The following ADAMTS16 variants were observed in gnomAD, a reference collection of about 807,000 sequenced individuals.
The protein encoded by ADAMTS16 is A disintegrin and metalloproteinase with thrombospondin motifs 16.
ADAMTS16 carries 94 observed loss-of-function variants against 145.8 expected under a neutral mutation model. The ratio of observed to expected loss-of-function variants is 0.64; its 90% CI spans 0.55 to 0.77. ADAMTS16 has a LOEUF of 0.77. ADAMTS16 is among the 30% of genes least tolerant of loss of function. The pLI is 0.00. For synonymous variants in ADAMTS16, 659 were observed against 604.3 expected, an observed-to-expected ratio of 1.09 and a Z score of -1.33; for missense variants, 1,585 against 1,591.5, an observed-to-expected ratio of 1.00 and a Z score of 0.07.
intron 11 of ADAMTS16, among the ~76,000 whole-genome samples, chr5:5,231,297 C>T (rs1318564514): frequency 6.6e-6 from 1 of 152,228 alleles, no homozygotes; most frequent in Admixed American, 6.5e-5. Flanking sequence ...ATTGTTCTTA[C>T]TTAAATAGCA....
At chr5:5,170,616 G>A (rs1326768186) in intron 3 of ADAMTS16, among the ~76,000 whole-genome samples, 1 of 152,136 alleles carries the variant, frequency 6.6e-6, no homozygotes, top group African/African-American at 2.4e-5. Context: ...GACCTCAGGT[G>A]ATCCGCCCGC....
chr5:5,236,730 T>C (rs1315686087), intron 13 of ADAMTS16, among the ~76,000 whole-genome samples: 1 of 152,128 alleles, frequency 6.6e-6, no homozygotes, highest in Non-Finnish European at 1.5e-5. Context: ...AAACACTGTA[T>C]AAAAATCAAA....
chr5:5,252,428 T>C (rs1182479142), intron 17 of ADAMTS16, among the ~76,000 whole-genome samples: 1 of 152,064 alleles, frequency 6.6e-6, no homozygotes, highest in African/African-American at 2.4e-5. Flanking sequence ...ATTTCAGGGA[T>C]TGGGATAGGG....
chr5:5,268,683 G>GACACTATTTCTGTCCTCCCAGGCT (rs1738351063), intron 18 of ADAMTS16, among the ~76,000 whole-genome samples: 1 of 152,142 alleles, frequency 6.6e-6, no homozygotes, highest in East Asian at 1.9e-4. Context: ...ATCCCGACTG[G>GACACTATTTCTGTCCTCCCAGGCT]ACACTATTTC....
chr5:5,206,414 A>C (rs1455304539), intron 9 of ADAMTS16, among the ~76,000 whole-genome samples: 2 of 62,636 alleles, frequency 3.2e-5, no homozygotes, highest in African/African-American at 6.7e-5. Context: ...CGACAGAGCG[A>C]GACTCCGTCT....
intron 10 of ADAMTS16, among the ~76,000 whole-genome samples, chr5:5,216,305 A>G (rs6894185): frequency 0.9 from 137,397 of 152,136 alleles, 62,199 homozygotes; most frequent in East Asian, 1. Context: ...GATGTTGAGC[A>G]GTTTTTCATA....
chr5:5,179,204 A>G (rs1735273114), intron 3 of ADAMTS16, among the ~76,000 whole-genome samples: 1 of 150,338 alleles, frequency 6.7e-6, no homozygotes, highest in Non-Finnish European at 1.5e-5. Context: ...CACACAGCTA[A>G]TAAGTATGAG....
chr5:5,199,983 A>C lies in ADAMTS16; in HGVS notation c.1314-149A>C, dbSNP rs982816774. 4.3e-6 allele frequency: 4 copies of C among 927,052 alleles called. No homozygotes were observed. The African/African-American group carries it at 6.8e-5, about 16-fold the overall frequency. The allele number at this position is 927,052 out of a possible 1,614,324, so 57.4% of individuals were successfully genotyped here. A position where few individuals can be genotyped will look rare whatever the true frequency, so the allele number is the denominator to read the frequency against. On this transcript the variant is annotated intron_variant, in intron 8 of 22. Coordinates refer to ENST00000274181, the MANE Select transcript of ADAMTS16 (RefSeq NM_139056.4). The stretch of plus-strand genomic sequence containing the variant: ...TTGGAATACGTGAATATTCTTAACC[A>C]ATTGGCAGTTGTGACTTTTATTTTT...
chr5:5,305,491 T>C (rs1579407523), intron 20 of ADAMTS16, among the ~76,000 whole-genome samples: 1 of 64,800 alleles, frequency 1.5e-5, no homozygotes, highest in African/African-American at 6.2e-5. Flanking sequence ...ACACACACAA[T>C]CCCACACCAC....
At chr5:5,304,983 CCTACA>C (rs1739980662) in intron 20 of ADAMTS16, among the ~76,000 whole-genome samples, 2 of 118,182 alleles carry the variant, frequency 1.7e-5, no homozygotes, top group African/African-American at 3.5e-5. Flanking sequence ...ACACACACAT[CCTACA>C]CCACACACAC....
chr5:5,181,773 T>A (rs1341899138), intron 3 of ADAMTS16, among the ~76,000 whole-genome samples: 1 of 152,186 alleles, frequency 6.6e-6, no homozygotes. Context: ...GCACCCTCTG[T>A]CCCTTTCTCA....
chr5:5,275,864 ATTT>A (rs35268868), intron 18 of ADAMTS16, among the ~76,000 whole-genome samples: 3 of 148,746 alleles, frequency 2.0e-5, no homozygotes, highest in African/African-American at 2.5e-5. Flanking sequence ...TGAAGAATCT[ATTT>A]TTTTTTTTTT....
intron 8 of ADAMTS16, among the ~76,000 whole-genome samples, chr5:5,197,393 G>T (rs1203718428): frequency 6.6e-6 from 1 of 152,194 alleles, no homozygotes; most frequent in African/African-American, 2.4e-5. Flanking sequence ...GGGTATTTGA[G>T]TTAGTGTTAC....
At chr5:5,173,627 C>T (rs761036799) in intron 3 of ADAMTS16, among the ~76,000 whole-genome samples, 6 of 151,994 alleles carry the variant, frequency 3.9e-5, no homozygotes, top group Non-Finnish European at 7.4e-5. Flanking sequence ...GTGCCCGCCA[C>T]CACGCCCAGC....
intron 5 of ADAMTS16, among the ~76,000 whole-genome samples, chr5:5,187,463 T>C (rs1735534726): frequency 6.6e-6 from 1 of 152,216 alleles, no homozygotes; most frequent in Non-Finnish European, 1.5e-5. Context: ...AAAAATCCTC[T>C]TTATATTCTA....
Position 5,235,191 on chromosome 5 carries a change from A to G in ADAMTS16, c.2023+5A>G, listed in dbSNP as rs775700452. 19 of 1,559,546 alleles carry G rather than the reference A, an allele frequency of 1.2e-5. No homozygotes were observed. Among genetic ancestry groups the G allele is most frequent in the East Asian group, 2.3e-5 (1 of 43,494 alleles). On this transcript the variant is annotated splice_donor_5th_base_variant and intron_variant, in intron 13 of 22. Transcript: ENST00000274181. ...AGCCTTACACTCAAGTAGAAGGTAA[A>G]TCTCAAACTGCTTTCGGGTAATAGC...
chr5:5,266,639 A>T (rs1738248854), intron 18 of ADAMTS16, among the ~76,000 whole-genome samples: 2 of 152,092 alleles, frequency 1.3e-5, no homozygotes, highest in African/African-American at 4.8e-5. Context: ...CCTACTTGAC[A>T]CTCACTGCAA....
At chr5:5,278,418 C>T (rs952299205) in intron 18 of ADAMTS16, among the ~76,000 whole-genome samples, 7 of 152,216 alleles carry the variant, frequency 4.6e-5, no homozygotes, top group African/African-American at 1.7e-4. Context: ...ATTCGTGTCC[C>T]TCCGTCCTGC....
At chr5:5,252,695 C>T (rs1053750855) in intron 17 of ADAMTS16, among the ~76,000 whole-genome samples, 1 of 152,188 alleles carries the variant, frequency 6.6e-6, no homozygotes, top group African/African-American at 2.4e-5. Flanking sequence ...AAATTGAAAG[C>T]CAAACCCATG....
Sources: allele counts gnomAD v4.1 joint callset (sites outside exome capture counted in the v4.1 genomes callset), GRCh38; gene constraint gnomAD v4.1.1; transcripts MANE v1.5; gene names NCBI Gene and HGNC (gene_info 2026-07-23, HGNC 2026-07-21).